SIPA1L3: variants seen among roughly 807,000 people sequenced by gnomAD.
The protein encoded by SIPA1L3 is signal induced proliferation associated 1 like 3, also known as signal-induced proliferation-associated 1-like protein 3.
SIPA1L3 carries 59 observed loss-of-function variants against 150.1 expected under a neutral mutation model. The observed-to-expected ratio is 0.39, with a 90% CI of 0.32 to 0.49. SIPA1L3 has a LOEUF of 0.49. SIPA1L3 is among the 20% of genes least tolerant of loss of function. The pLI is 0.86. For missense variants in SIPA1L3, 2,211 were observed against 2,489.5 expected, an observed-to-expected ratio of 0.89 and a Z score of 2.38; for synonymous variants, 1,070 against 1,077.6, an observed-to-expected ratio of 0.99 and a Z score of 0.14.
intron 1 of SIPA1L3, among the ~76,000 whole-genome samples, chr19:37,928,881 C>T (rs1015465074): frequency 1.5e-4 from 23 of 152,172 alleles, no homozygotes; most frequent in African/African-American, 4.8e-4. Context: ...TCCACAATGC[C>T]TGCAGGGACC....
chr19:38,057,788 A>T (rs1053142427), intron 2 of SIPA1L3, among the ~76,000 whole-genome samples: 2 of 151,754 alleles, frequency 1.3e-5, no homozygotes, highest in Admixed American at 6.6e-5. Flanking sequence ...CTGGGACTAC[A>T]GGCACCCACC....
intron 1 of SIPA1L3, among the ~76,000 whole-genome samples, chr19:37,938,289 A>C (rs1433507840): frequency 1.3e-5 from 2 of 152,048 alleles, no homozygotes; most frequent in Non-Finnish European, 2.9e-5. Context: ...ATATTGTTAC[A>C]CTTCCTGGTG....
At chr19:38,154,966 GC>G (rs1358171315) in intron 13 of SIPA1L3, among the ~76,000 whole-genome samples, 4 of 151,980 alleles carry the variant, frequency 2.6e-5, no homozygotes, top group Non-Finnish European at 5.9e-5. Flanking sequence ...TCAACATGTT[GC>G]CAAGGCTGGT....
chr19:37,949,516 T>C (rs1358231481), intron 1 of SIPA1L3, among the ~76,000 whole-genome samples: 3 of 151,916 alleles, frequency 2.0e-5, no homozygotes, highest in African/African-American at 7.3e-5. Flanking sequence ...AAATACAAAA[T>C]TAGCCAGGTG....
chr19:37,993,701 C>T (rs1267317328), intron 1 of SIPA1L3, among the ~76,000 whole-genome samples: 5 of 152,240 alleles, frequency 3.3e-5, no homozygotes, highest in East Asian at 3.9e-4. Flanking sequence ...GTTTCCAGAA[C>T]GTACCTGAAA....
At chr19:38,186,435 A>G (rs1972679502) in intron 16 of SIPA1L3, among the ~76,000 whole-genome samples, 1 of 151,652 alleles carries the variant, frequency 6.6e-6, no homozygotes, top group Admixed American at 6.6e-5. Context: ...GCCTCAGCCT[A>G]CCAAGTAGCT....
chr19:37,993,551 T>C (rs1967563940), intron 1 of SIPA1L3, among the ~76,000 whole-genome samples: 1 of 152,194 alleles, frequency 6.6e-6, no homozygotes, highest in Non-Finnish European at 1.5e-5. Flanking sequence ...CAGGCTATTA[T>C]TATTAAACCA....
intron 16 of SIPA1L3, among the ~76,000 whole-genome samples, chr19:38,183,400 T>C (rs915993718): frequency 2.0e-5 from 3 of 151,560 alleles, no homozygotes; most frequent in African/African-American, 7.3e-5. Context: ...TCCGGATAGA[T>C]TATCTGAAAT....
At chr19:38,051,846 C>G (rs140702376) in intron 2 of SIPA1L3, among the ~76,000 whole-genome samples, 2 of 152,334 alleles carry the variant, frequency 1.3e-5, no homozygotes, top group Admixed American at 6.5e-5. Context: ...GTGTTCCCGT[C>G]TTGGCCTCCC....
chr19:38,187,708 T>A, intron 16 of SIPA1L3, among the ~76,000 whole-genome samples: 4 of 88,676 alleles, frequency 4.5e-5, no homozygotes, highest in Non-Finnish European at 6.0e-5. Flanking sequence ...ACAGCGAGAC[T>A]CCGTCTCAAA....
At chr19:38,128,949 C>T (rs748400402) in intron 9 of SIPA1L3, among the ~76,000 whole-genome samples, 1 of 152,154 alleles carries the variant, frequency 6.6e-6, no homozygotes, top group Non-Finnish European at 1.5e-5. Context: ...AGTATGAAAG[C>T]GGGCATCCTG....
At chr19:38,105,990 C>T (rs1970614921) in intron 6 of SIPA1L3, among the ~76,000 whole-genome samples, 1 of 152,230 alleles carries the variant, frequency 6.6e-6, no homozygotes, top group Non-Finnish European at 1.5e-5. Context: ...AACCAGCCAC[C>T]TCAAGGGTTC....
At chr19:38,139,599 C>T (rs2145936016) in intron 10 of SIPA1L3, among the ~76,000 whole-genome samples, 1 of 152,330 alleles carries the variant, frequency 6.6e-6, no homozygotes, top group South Asian at 2.1e-4. Flanking sequence ...CCAGAAGACA[C>T]TGCCAAGTGT....
chr19:38,150,538 T>TC (rs1971796216), intron 12 of SIPA1L3, among the ~76,000 whole-genome samples: 1 of 150,382 alleles, frequency 6.6e-6, no homozygotes, highest in Admixed American at 6.6e-5. Flanking sequence ...ACTTTTTTTT[T>TC]TTTTTTTTTT....
At chr19:38,116,889 TAACTC>T in intron 8 of SIPA1L3, among the ~76,000 whole-genome samples, 1 of 152,090 alleles carries the variant, frequency 6.6e-6, no homozygotes, top group Admixed American at 6.6e-5. Flanking sequence ...ATGAAGAACA[TAACTC>T]ACCTGCCCTG....
intron 1 of SIPA1L3, among the ~76,000 whole-genome samples, chr19:37,976,336 C>T (rs1160243113): frequency 6.6e-6 from 1 of 152,018 alleles, no homozygotes; most frequent in African/African-American, 2.4e-5. Context: ...ATGCAGGCTG[C>T]CCCTGAATGC....
chr19:37,926,877 G>C (rs974331553), intron 1 of SIPA1L3, among the ~76,000 whole-genome samples: 3 of 152,078 alleles, frequency 2.0e-5, no homozygotes, highest in Non-Finnish European at 4.4e-5. Flanking sequence ...ACACTGTGCC[G>C]GGCCCTTCAC....
intron 12 of SIPA1L3, among the ~76,000 whole-genome samples, chr19:38,149,418 G>A (rs573755891): frequency 6.6e-6 from 1 of 152,164 alleles, no homozygotes; most frequent in Non-Finnish European, 1.5e-5. Context: ...AACAAGAGAA[G>A]TACATGGTTG....
chr19:38,205,428 G>C (rs541089059), intron 21 of SIPA1L3, among the ~76,000 whole-genome samples: 1 of 144,782 alleles, frequency 6.9e-6, no homozygotes, highest in African/African-American at 2.6e-5. Flanking sequence ...CTGCACTCCA[G>C]CTTGGGCGAC....
Sources: allele counts gnomAD v4.1 joint callset (sites outside exome capture counted in the v4.1 genomes callset), GRCh38; gene constraint gnomAD v4.1.1; transcripts MANE v1.5; gene names NCBI Gene and HGNC (gene_info 2026-07-23, HGNC 2026-07-21).